The following PFKM variants were observed in gnomAD, a reference collection of about 807,000 sequenced individuals.
The protein encoded by PFKM is phosphofructokinase, muscle.
A neutral mutation model predicts 95.5 loss-of-function variants in PFKM; 58 were observed. The observed-to-expected ratio is 0.61, with a 90% confidence interval of 0.49 to 0.76. The LOEUF (loss-of-function observed/expected upper bound fraction) is 0.76, where lower values mean the gene tolerates loss of function less well. Among genes scored for constraint, PFKM ranks in the 30% least tolerant of loss-of-function variants. The probability of loss-of-function intolerance (pLI) is 0.00; values close to 1 mark genes in which losing one functional copy is unlikely to be tolerated. For missense variants in PFKM, 678 were observed against 1,005.4 expected (o/e 0.67, Z 4.40); for synonymous variants, 336 against 357.2 (o/e 0.94, Z 0.67).
intron 10 of PFKM, chr12:48,137,504 T>G (rs1950205652): frequency 1.7e-6 from 1 of 597,358 alleles, no homozygotes; most frequent in African/African-American, 1.9e-5. Flanking sequence ...TAGAAGTAAG[T>G]AGAATCTTTG....
At chr12:48,139,083 C>A (rs968407387) in intron 11 of PFKM, among the ~76,000 whole-genome samples, 3 of 152,192 alleles carry the variant, frequency 2.0e-5, no homozygotes, top group African/African-American at 7.2e-5. Context: ...CAGTTCTTTT[C>A]TTTTGCTGCT....
chr12:48,136,717 T>TTA (rs1312744192), intron 10 of PFKM, among the ~76,000 whole-genome samples: 2 of 132,642 alleles, frequency 1.5e-5, no homozygotes, highest in African/African-American at 2.8e-5. Context: ...TTTTTTTTTT[T>TTA]ACTATTCTGA....
At chr12:48,139,256 T>G in intron 11 of PFKM, 29 bp from the exon 12 acceptor site, 7 of 1,591,962 alleles carry the variant, frequency 4.4e-6, no homozygotes, top group African/African-American at 1.3e-5. Flanking sequence ...GACCCTGGAG[T>G]TGAAACTGTC....
In PFKM at chr12:48,144,201, C is replaced by G. The variant is rs186261499; in HGVS notation, c.1992+44C>G. The G allele has an allele frequency of 1.4e-5, 18 of 1,301,290 alleles. No homozygotes were observed. In the East Asian group the frequency reaches 3.7e-4, roughly 27 times the overall value. 80.6% of individuals were successfully genotyped at this position (1,301,290 alleles called of 1,614,324 possible). A position where few individuals can be genotyped will look rare whatever the true frequency, so the allele number is the denominator to read the frequency against. On this transcript the variant is annotated intron_variant, in intron 20 of 22. Transcript: ENST00000359794. ...TCATGCCCTTCATCAGACAGCCATACCTGCCAACAGCCATACCTGCCAACA... is the reference window on the plus strand; with the variant it reads ...TCATGCCCTTCATCAGACAGCCATAGCTGCCAACAGCCATACCTGCCAACA...
intron 2 of PFKM, chr12:48,107,537 C>A: frequency 1.1e-6 from 1 of 896,690 alleles, no homozygotes; most frequent in Non-Finnish European, 1.8e-6. Flanking sequence ...GTGAGGCTTT[C>A]TAGTGTAAAT....
chr12:48,137,997 G>T, intron 11 of PFKM, 151 bp downstream of exon 11: 1 of 836,610 alleles, frequency 1.2e-6, no homozygotes, highest in South Asian at 1.5e-5. Context: ...AGAACACAGT[G>T]GGCTTTGCAT....
chr12:48,125,451 G>A (rs1386545224), intron 2 of PFKM: 15 of 379,672 alleles, frequency 4.0e-5, no homozygotes, highest in East Asian at 3.4e-4. Context: ...GAGAAACCCC[G>A]TCTCTACTAA....
chr12:48,110,730 T>C (rs1289733180), intron 3 of PFKM, among the ~76,000 whole-genome samples: 1 of 152,166 alleles, frequency 6.6e-6, no homozygotes, highest in East Asian at 1.9e-4. Context: ...TGGAATATAT[T>C]TCTTTCTTGT....
intron 3 of PFKM, among the ~76,000 whole-genome samples, chr12:48,109,508 A>G (rs1947003229): frequency 6.6e-6 from 1 of 152,126 alleles, no homozygotes; most frequent in Non-Finnish European, 1.5e-5. Flanking sequence ...GAATTTGTAC[A>G]GATTATTTCT....
chr12:48,143,807 GTGT>G lies in PFKM; in HGVS notation c.1875_1877del (p.Leu626del). Reference sequence around the variant, plus strand: ...GAAAACAACTGTGAAAAGGGGCTTGGTGTTAAGGTACCTCATCCATGGTTTGTT... The same window carrying G: ...GAAAACAACTGTGAAAAGGGGCTTGGTAAGGTACCTCATCCATGGTTTGTT... On this transcript the variant is annotated inframe_deletion, in exon 19 of 23. Coordinates refer to ENST00000359794, the MANE Select transcript of PFKM (RefSeq NM_000289.6). 1.2e-6 allele frequency: 2 copies of G among 1,610,822 alleles called. No homozygotes were observed. The highest frequency in any genetic ancestry group is 1.7e-6 in the Non-Finnish European group (2 of 1,176,920).
intron 1 of PFKM, among the ~76,000 whole-genome samples, chr12:48,122,264 C>T (rs1209774726): frequency 2.6e-5 from 4 of 152,314 alleles, no homozygotes; most frequent in South Asian, 4.1e-4. Flanking sequence ...TCCAATAGCA[C>T]AATTCCATAA....
upstream of PFKM, among the ~76,000 whole-genome samples, chr12:48,116,806 A>G (rs1173572266): frequency 6.6e-6 from 1 of 152,224 alleles, no homozygotes; most frequent in Non-Finnish European, 1.5e-5. Context: ...AACATCTTGC[A>G]TTAGTGTGGT....
At position 48,122,800 on chromosome 12, in the gene PFKM, C is replaced by T; in HGVS notation, c.26C>T (p.Ala9Val). ...ATGACCCATGAAGAGCACCATGCAG[C>T]CAAAACCCTGGGGATTGGCAAAGCC... is the stretch of plus-strand genomic sequence containing the variant. MTHEEHHAAKTLGIGKAIA... is the reference protein window; with the variant it reads MTHEEHHAVKTLGIGKAIA... The change falls in exon 2 of 23, where the codon GCC (alanine) becomes GTC (valine). Residue 9 changes from alanine (A) to valine (V), a missense_variant. Transcript: ENST00000359794. 9.9e-6 allele frequency: 16 copies of T among 1,614,072 alleles called. No homozygotes were observed. The highest frequency in any genetic ancestry group is 1.4e-5 in the Non-Finnish European group (16 of 1,179,958).
At chr12:48,135,881 C>CATT (rs538555965) in intron 10 of PFKM, among the ~76,000 whole-genome samples, 40 of 151,738 alleles carry the variant, frequency 2.6e-4, no homozygotes, top group Middle Eastern at 3.4e-3. Context: ...CATCCCTCCT[C>CATT]ATTATTATTA....
In PFKM at chr12:48,145,759, C is replaced by T. The variant is rs1452889896; in HGVS notation, c.*51C>T. The stretch of plus-strand genomic sequence containing the variant: ...TTACCTGATCATGGTCAGCTCACAC[C>T]CTAATAAGTCCACATCTTCTCAGTG... On this transcript the variant is annotated 3_prime_UTR_variant, in exon 23 of 23. Coordinates refer to ENST00000359794, the MANE Select transcript of PFKM (RefSeq NM_000289.6). The surrounding 1 kb of genome is among the most constrained non-coding windows in gnomAD (Gnocchi z 4.3). The T allele has an allele frequency of 1.3e-6, 2 of 1,562,524 alleles. No homozygotes were observed. Among genetic ancestry groups the T allele is most frequent in the East Asian group, 4.5e-5 (2 of 44,670 alleles).
At chr12:48,114,454 G>A (rs973488222), upstream of PFKM, among the ~76,000 whole-genome samples, 7 of 152,154 alleles carry the variant, frequency 4.6e-5, no homozygotes, top group South Asian at 2.1e-4. Context: ...AAACCGGACC[G>A]GGTGTGGGGA....
At chr12:48,131,478 C>G in intron 4 of PFKM, 85 bp downstream of exon 4, 2 of 956,992 alleles carry the variant, frequency 2.1e-6, no homozygotes, top group Non-Finnish European at 1.7e-6. Flanking sequence ...CTCCTAAATT[C>G]CCTGTCATGT....
intron 20 of PFKM, 49 bp downstream of exon 20, chr12:48,144,206 C>T: frequency 8.0e-7 from 1 of 1,255,134 alleles, no homozygotes; most frequent in Non-Finnish European, 1.2e-6. Context: ...CCATACCTGC[C>T]AACAGCCATA....
chr12:48,108,199 G>A, intron 3 of PFKM: 2 of 1,596,974 alleles, frequency 1.3e-6, no homozygotes, highest in Non-Finnish European at 1.7e-6. Flanking sequence ...AAACTGGTGA[G>A]GCATGTGGGT....
Sources: allele counts gnomAD v4.1 joint callset (sites outside exome capture counted in the v4.1 genomes callset), GRCh38; gene constraint gnomAD v4.1.1; non-coding constraint Gnocchi (gnomAD v3.1); transcripts MANE v1.5; gene names NCBI Gene and HGNC (gene_info 2026-07-23, HGNC 2026-07-21).